The following AARS2 variants were observed in gnomAD, a reference collection of about 807,000 sequenced individuals.
AARS2 encodes the protein alanyl-tRNA synthetase 2, mitochondrial.
A neutral mutation model predicts 119.7 loss-of-function variants in AARS2; 78 were observed. That is an observed-to-expected ratio of 0.65 (90% CI 0.54 to 0.79). The LOEUF (loss-of-function observed/expected upper bound fraction) is 0.79. Ranked by LOEUF, AARS2 falls within the 30% of genes least tolerant of loss-of-function variation. AARS2 has a pLI of 0.00. For missense variants in AARS2, 1,157 were observed against 1,291.3 expected (o/e 0.90, Z 1.59); for synonymous variants, 502 against 526.3 (o/e 0.95, Z 0.63).
chr6:44,301,563 T>G, intron 19 of AARS2, 99 bp from the exon 20 acceptor site: 1 of 1,162,392 alleles, frequency 8.6e-7, no homozygotes, highest in Non-Finnish European at 1.3e-6. Flanking sequence ...AATCCCCTGC[T>G]TCCCCCACCC....
chr6:44,311,004 G>T lies in AARS2; in HGVS notation c.739C>A (p.Gln247Lys), dbSNP rs1786301373. 7 of 1,613,814 alleles carry T rather than the reference G, an allele frequency of 4.3e-6. No homozygotes were observed. The highest frequency in any genetic ancestry group is 5.9e-6 in the Non-Finnish European group (7 of 1,180,048). Residue 247 changes from glutamine (Q) to lysine (K), a missense_variant, in exon 4 of 22, where the codon CAA becomes AAA. Coordinates refer to ENST00000244571, the MANE Select transcript of AARS2 (RefSeq NM_020745.4). ...LVELWNLVFM[Q>K]HNREADGSLQ... ...TCAGCACCCTATTACCTGTTGTGTTGCATGAAGACCAGGTTCCAAAGCTCT... is the reference window on the plus strand; with the variant it reads ...TCAGCACCCTATTACCTGTTGTGTTTCATGAAGACCAGGTTCCAAAGCTCT...
In AARS2 at chr6:44,304,246, G is replaced by T. The variant is rs760666598; in HGVS notation, c.1942C>A (p.Pro648Thr). 6.2e-7 allele frequency: 1 copy of T among 1,614,174 alleles called. No homozygotes were observed. The highest frequency in any genetic ancestry group is 2.2e-5 in the East Asian group (1 of 44,888). ...TGGGAGCCCTGCTGCTCTGTGCCAG[G>T]GCCCAGGGTCTGCCTCAGTGCCCAG... ...LNWALRQTLG[P>T]GTEQQGSHLN... Residue 648 changes from proline to threonine, a missense_variant, in exon 14 of 22, where the codon CCT becomes ACT. By Grantham distance (38) the Pro-to-Thr change is conservative. Coordinates refer to ENST00000244571, the MANE Select transcript of AARS2 (RefSeq NM_020745.4).
chr6:44,306,437 G>T lies in AARS2; in HGVS notation c.1189-46C>A, dbSNP rs774031712. On this transcript the variant is annotated intron_variant, in intron 8 of 21. Transcript: ENST00000244571. ...GTGGAGCTGGGTCTCCTTGGAAGGAGGGTCTCTCTCCACAACTCTCCCATC... is the reference window on the plus strand; with the variant it reads ...GTGGAGCTGGGTCTCCTTGGAAGGATGGTCTCTCTCCACAACTCTCCCATC... The T allele has an allele frequency of 7.4e-6, 12 of 1,613,838 alleles. No homozygotes were observed. The African/African-American group carries it at 1.6e-4, about 22-fold the overall frequency.
chr6:44,304,766 G>A lies in AARS2; in HGVS notation c.1631C>T (p.Thr544Ile), dbSNP rs774895404. Residue 544 changes from threonine (T) to isoleucine (I), a missense_variant, in exon 12 of 22, where the codon ACA (threonine) becomes ATA (isoleucine). Thr to Ile is a moderately conservative substitution (Grantham distance 89). Transcript: ENST00000244571. ...GCCTTTCCCCACGGAGGCCACTGCT[G>A]TCCCGTCCTCTGTATACAGTTGCAA... is the stretch of plus-strand genomic sequence containing the variant. ...QVLQLYTEDG[T>I]AVASVGKGQR... is the part of the protein sequence containing the mutation. 1.9e-6 allele frequency: 3 copies of A among 1,614,098 alleles called. No homozygotes were observed. The highest frequency in any genetic ancestry group is 4.5e-5 in the East Asian group (2 of 44,900).
In AARS2 at chr6:44,305,965, C is replaced by A. The variant is rs9395001; in HGVS notation, c.1301-179G>T. 0.072 allele frequency among the ~76,000 whole-genome samples: 10,961 copies of A among 152,168 alleles called. 796 individuals are homozygous for A. The highest frequency in any genetic ancestry group is 0.4 in the East Asian group (2,073 of 5,144). On this transcript the variant is annotated intron_variant, in intron 9 of 21. Coordinates refer to ENST00000244571, the MANE Select transcript of AARS2 (RefSeq NM_020745.4). The surrounding 1 kb of genome is among the most constrained non-coding windows in gnomAD (Gnocchi z 4.6). Reference sequence around the variant, plus strand: ...CACATTCAGGCTTCATGCCTCAAGGCCAGAGCTGGGGGTAGTCCAGGGTAC... The same window carrying A: ...CACATTCAGGCTTCATGCCTCAAGGACAGAGCTGGGGGTAGTCCAGGGTAC...
chr6:44,312,081 T>C lies in AARS2; in HGVS notation c.426A>G (p.Glu142=), dbSNP rs779650766. 1.1e-5 allele frequency: 17 copies of C among 1,614,044 alleles called. No homozygotes were observed. Among genetic ancestry groups the C allele is most frequent in the East Asian group, 2.2e-5 (1 of 44,896 alleles). The change falls in exon 2 of 22, where the codon GAA becomes GAG. Residue 142 remains glutamate (E), a synonymous_variant. Coordinates refer to ENST00000244571, the MANE Select transcript of AARS2 (RefSeq NM_020745.4). ...ATCCCCAGAGACTCACCTTAAAATA[T>C]TCACCCCCAAAGGCCCAATTGCCAA... is the stretch of plus-strand genomic sequence containing the variant. The part of the protein sequence containing the change: ...EMLGNWAFGG[E]YFKEEACNMA...
Position 44,302,826 on chromosome 6 carries a change from G to A in AARS2, c.2340C>T (p.Ala780=), listed in dbSNP as rs765817819. ...CCTGCTGGGCCTGCTCCCCAGTGACGGCCAGCAGGCGGGTAGTGCCCTTGG... is the reference window on the plus strand; with the variant it reads ...CCTGCTGGGCCTGCTCCCCAGTGACAGCCAGCAGGCGGGTAGTGCCCTTGG... ...QLSKGTTRLL[A]VTGEQAQQAR... The change falls in exon 17 of 22, where the codon GCC becomes GCT. Residue 780 remains alanine, a synonymous_variant. Coordinates refer to ENST00000244571, the MANE Select transcript of AARS2 (RefSeq NM_020745.4). 27 of 1,613,716 alleles carry A rather than the reference G, an allele frequency of 1.7e-5. No individual in the cohort carries two copies. The highest frequency in any genetic ancestry group is 4.4e-5 in the South Asian group (4 of 91,034).
In AARS2 at chr6:44,307,290, G is replaced by A; in HGVS notation, c.999C>T (p.Val333=). The A allele has an allele frequency of 6.2e-7, 1 of 1,614,014 alleles. No individual in the cohort carries two copies. The highest frequency in any genetic ancestry group is 8.5e-7 in the Non-Finnish European group (1 of 1,179,982). Residue 333 remains valine (V), a synonymous_variant, in exon 6 of 22, where the codon GTC becomes GTT. Coordinates refer to ENST00000244571, the MANE Select transcript of AARS2 (RefSeq NM_020745.4). This position sits in a 1 kb window ranked among gnomAD's most constrained non-coding sequence, Gnocchi z 4.4. ...VVADHIRTLS[V]CISDGIFPGM... ...CAGGGAAGATGCCATCAGAGATGCA[G>A]ACACTGAGTGTGCGGATGTGGTCAG...
At chr6:44,302,762 C>T (rs1414319887) in intron 17 of AARS2, 40 bp downstream of exon 17, 9 of 1,577,206 alleles carry the variant, frequency 5.7e-6, no homozygotes, top group Non-Finnish European at 7.8e-6. Flanking sequence ...TCCCATGCAC[C>T]CACTCAACCC....
rs1229841072 is a variant in AARS2 at position 44,311,109 on chromosome 6, T to A, written c.634A>T (p.Met212Leu). 1 of 1,613,838 alleles carries A rather than the reference T, an allele frequency of 6.2e-7. No individual in the cohort carries two copies. The highest frequency in any genetic ancestry group is 1.3e-5 in the African/African-American group (1 of 74,858). Reference sequence around the variant, plus strand: ...GGCCCACAAGGGCCAGTATCCCCCATCTCCCAGAAGTTCTCTTGTGGTCCA... The same window carrying A: ...GGCCCACAAGGGCCAGTATCCCCCAACTCCCAGAAGTTCTCTTGTGGTCCA... ...SFGPQENFWE[M>L]GDTGPCGPCT... is the part of the protein sequence containing the mutation. The change falls in exon 4 of 22, where the codon ATG becomes TTG. Residue 212 changes from methionine to leucine, a missense_variant. Met to Leu is a conservative substitution (Grantham distance 15, BLOSUM62 2). Coordinates refer to ENST00000244571, the MANE Select transcript of AARS2 (RefSeq NM_020745.4).
In AARS2 at chr6:44,302,927, T is replaced by A. The variant is rs913889445; in HGVS notation, c.2256-17A>T. 6.2e-7 allele frequency: 1 copy of A among 1,611,750 alleles called. No individual in the cohort carries two copies. The highest frequency in any genetic ancestry group is 8.5e-7 in the Non-Finnish European group (1 of 1,178,684). On this transcript the variant is annotated splice_polypyrimidine_tract_variant and intron_variant, in intron 16 of 21. Coordinates refer to ENST00000244571, the MANE Select transcript of AARS2 (RefSeq NM_020745.4). ...AACAGGTGCCTGTGGGAGGAAGGAGTGAACAGAAAGTCGGGGCATGACAGT... is the reference window on the plus strand; with the variant it reads ...AACAGGTGCCTGTGGGAGGAAGGAGAGAACAGAAAGTCGGGGCATGACAGT...
At position 44,307,124 on chromosome 6, in the gene AARS2, C is replaced by A. The variant is rs769369796; in HGVS notation, c.1041-93G>T. 1.2e-5 allele frequency: 19 copies of A among 1,588,110 alleles called. No homozygotes were observed. The Admixed American group carries it at 1.4e-4, about 12-fold the overall frequency. Reference sequence around the variant, plus strand: ...GGACGAGGTCCAGTGTGTGCTCCCACCTCAAAGCTCTCCCTCTCCCCATTC... The same window carrying A: ...GGACGAGGTCCAGTGTGTGCTCCCAACTCAAAGCTCTCCCTCTCCCCATTC... On this transcript the variant is annotated intron_variant, in intron 6 of 21. Coordinates refer to ENST00000244571, the MANE Select transcript of AARS2 (RefSeq NM_020745.4). The surrounding 1 kb of genome is among the most constrained non-coding windows in gnomAD (Gnocchi z 4.4).
rs371359498 is a variant in AARS2 at position 44,305,207 on chromosome 6, T to C, written c.1435-9A>G. On this transcript the variant is annotated splice_polypyrimidine_tract_variant and intron_variant, in intron 10 of 21. Coordinates refer to ENST00000244571, the MANE Select transcript of AARS2 (RefSeq NM_020745.4). The surrounding 1 kb of genome is among the most constrained non-coding windows in gnomAD (Gnocchi z 4.6). ...GCCTGCCGTGCCCGGTGCTGCAGGG[T>C]GGGCATGGGCATGGAAGAAGTGCAT... 2 of 1,609,998 alleles carry C rather than the reference T, an allele frequency of 1.2e-6. No individual in the cohort carries two copies. Among genetic ancestry groups the C allele is most frequent in the Non-Finnish European group, 1.7e-6 (2 of 1,179,974 alleles).
At chr6:44,301,085 G>C (rs1785312975) in intron 21 of AARS2, 71 bp downstream of exon 21, 1 of 1,378,574 alleles carries the variant, frequency 7.3e-7, no homozygotes, top group Admixed American at 1.8e-5. Flanking sequence ...GGAATTAAAG[G>C]TGTAAAATCA....
chr6:44,307,602 A>G lies in AARS2; in HGVS notation c.895-208T>C, dbSNP rs1254943594. On this transcript the variant is annotated intron_variant, in intron 5 of 21. Coordinates refer to ENST00000244571, the MANE Select transcript of AARS2 (RefSeq NM_020745.4). The surrounding 1 kb of genome is among the most constrained non-coding windows in gnomAD (Gnocchi z 4.4). Reference sequence around the variant, plus strand: ...CTCATATTTGGTGCTACAAGTGAACATATCTGTGACCATTTACTGAATTTC... The same window carrying G: ...CTCATATTTGGTGCTACAAGTGAACGTATCTGTGACCATTTACTGAATTTC... The G allele has an allele frequency of 7.9e-6, 5 of 632,390 alleles. No homozygotes were observed. The highest frequency in any genetic ancestry group is 2.8e-5 in the Admixed American group (1 of 35,284). The allele number at this position is 632,390 out of a possible 1,614,324, so 39.2% of individuals were successfully genotyped here. A position where few individuals can be genotyped will look rare whatever the true frequency, so the allele number is the denominator to read the frequency against.
Position 44,306,398 on chromosome 6 carries a change from C to T in AARS2, c.1189-7G>A, listed in dbSNP as rs1398405759. The stretch of plus-strand genomic sequence containing the variant: ...CTGACACCAGGTTGGCGATCTGAAC[C>T]AGGCAGAGAAGAAGTGGAGCTGGGT... On this transcript the variant is annotated splice_polypyrimidine_tract_variant and splice_region_variant and intron_variant, in intron 8 of 21. Transcript: ENST00000244571. The T allele has an allele frequency of 1.2e-6, 2 of 1,613,932 alleles. No homozygotes were observed. The highest frequency in any genetic ancestry group is 1.7e-6 in the Non-Finnish European group (2 of 1,180,016).
In AARS2 at chr6:44,300,511, G is replaced by A; in HGVS notation, c.*36C>T. On this transcript the variant is annotated 3_prime_UTR_variant, in exon 22 of 22. Transcript: ENST00000244571. ...TGGCTCCTTCAGGGCTCCTGGCATT[G>A]CCTTTAGTCCATGTGGGTCCCTGGG... The A allele has an allele frequency of 1.2e-6, 2 of 1,613,554 alleles. No individual in the cohort carries two copies. Among genetic ancestry groups the A allele is most frequent in the Non-Finnish European group, 1.7e-6 (2 of 1,179,928 alleles).
At position 44,311,105 on chromosome 6, in the gene AARS2, C is replaced by T. The variant is rs754793924; in HGVS notation, c.638G>A (p.Gly213Glu). 6.2e-7 allele frequency: 1 copy of T among 1,614,084 alleles called. No individual in the cohort carries two copies. Among genetic ancestry groups the T allele is most frequent in the Non-Finnish European group, 8.5e-7 (1 of 1,180,024 alleles). ...FGPQENFWEM[G>E]DTGPCGPCTE... Reference sequence around the variant, plus strand: ...ACAGGGCCCACAAGGGCCAGTATCCCCCATCTCCCAGAAGTTCTCTTGTGG... The same window carrying T: ...ACAGGGCCCACAAGGGCCAGTATCCTCCATCTCCCAGAAGTTCTCTTGTGG... The change falls in exon 4 of 22, where the codon GGG becomes GAG. Residue 213 changes from glycine (G) to glutamate (E), a missense_variant. Physicochemically the swap from Gly to Glu is moderately conservative, Grantham distance 98 (BLOSUM62 -2). Transcript: ENST00000244571.
chr6:44,310,375 A>T lies in AARS2; in HGVS notation c.818T>A (p.Leu273Gln), dbSNP rs1786244591. 1 of 1,614,064 alleles carries T rather than the reference A, an allele frequency of 6.2e-7. No homozygotes were observed. Among genetic ancestry groups the T allele is most frequent in the Non-Finnish European group, 8.5e-7 (1 of 1,180,020 alleles). ...HVDTGMGLERLVAVLQGKHST... is the reference protein window; with the variant it reads ...HVDTGMGLERQVAVLQGKHST... ...GTGTTTGCCTTGCAGCACAGCCACCAGCCTTTCCAGGCCCATTCCTGTGTC... is the reference window on the plus strand; with the variant it reads ...GTGTTTGCCTTGCAGCACAGCCACCTGCCTTTCCAGGCCCATTCCTGTGTC... Residue 273 changes from leucine to glutamine, a missense_variant, in exon 5 of 22, where the codon CTG becomes CAG. Leu to Gln is a moderately radical substitution (Grantham distance 113, BLOSUM62 -2). Transcript: ENST00000244571.
Sources: allele counts gnomAD v4.1 joint callset (sites outside exome capture counted in the v4.1 genomes callset), GRCh38; gene constraint gnomAD v4.1.1; non-coding constraint Gnocchi (gnomAD v3.1); transcripts MANE v1.5; gene names NCBI Gene and HGNC (gene_info 2026-07-23, HGNC 2026-07-21).